Variants in ALG9 observed in about 807,000 individuals in gnomAD.
The protein encoded by ALG9 is ALG9 alpha-1,2-mannosyltransferase.
A neutral mutation model predicts 81.8 loss-of-function variants in ALG9; 55 were observed. The observed-to-expected ratio is 0.67, with a 90% CI of 0.54 to 0.84. ALG9 has a LOEUF of 0.84. Among genes scored for constraint, ALG9 ranks in the 40% least tolerant of loss-of-function variants. The probability of loss-of-function intolerance (pLI) is 0.00; values close to 1 mark genes in which losing one functional copy is unlikely to be tolerated. For synonymous variants in ALG9, 278 were observed against 274.3 expected, an observed-to-expected ratio of 1.01 and a Z score of -0.13; for missense variants, 629 against 745.0, an observed-to-expected ratio of 0.84 and a Z score of 1.81.
chr11:111,807,150 TTAAAA>T, intron 14 of ALG9, among the ~76,000 whole-genome samples: 1 of 152,300 alleles, frequency 6.6e-6, no homozygotes, highest in Non-Finnish European at 1.5e-5. Context: ...AATGATCCTT[TTAAAA>T]TAAAAGTTAT....
chr11:111,837,708 C>A, intron 11 of ALG9, 93 bp from the exon 12 acceptor site: 1 of 1,436,592 alleles, frequency 7.0e-7, no homozygotes, highest in Non-Finnish European at 9.6e-7. Context: ...CTGTAAGCCA[C>A]AGGAAATTTA....
intron 13 of ALG9, among the ~76,000 whole-genome samples, chr11:111,832,094 C>T (rs560316891): frequency 6.6e-6 from 1 of 152,286 alleles, no homozygotes; most frequent in South Asian, 2.1e-4. Flanking sequence ...TTCACCTTTG[C>T]TATTATAACT....
At chr11:111,851,877 T>C (rs1425882619) in intron 8 of ALG9, among the ~76,000 whole-genome samples, 3 of 152,182 alleles carry the variant, frequency 2.0e-5, no homozygotes, top group African/African-American at 7.2e-5. Flanking sequence ...CCCCTGGGGA[T>C]CTTAGAGCCA....
intron 13 of ALG9, among the ~76,000 whole-genome samples, chr11:111,812,224 A>G (rs1950824628): frequency 6.6e-6 from 1 of 152,214 alleles, no homozygotes; most frequent in South Asian, 2.1e-4. Context: ...AGCGGATTCT[A>G]AAATGTGTAT....
rs188642550 is a variant in ALG9 at position 111,865,072 on chromosome 11, C to T, written c.476+109G>A. 9,996 of 896,024 alleles carry T rather than the reference C, an allele frequency of 0.011. 72 individuals are homozygous for T. Among genetic ancestry groups the T allele is most frequent in the Non-Finnish European group, 0.014 (8,725 of 616,568 alleles). The allele number at this position is 896,024 out of a possible 1,614,324, so 55.5% of individuals were successfully genotyped here. A position where few individuals can be genotyped will look rare whatever the true frequency, so the allele number is the denominator to read the frequency against. ...GATTACAGGTGTGAGCCACCGCACC[C>T]GGTCAAGAGTTTTCTATTTCTAATC... is the stretch of plus-strand genomic sequence containing the variant. On this transcript the variant is annotated intron_variant, in intron 4 of 14. Transcript: ENST00000616540.
At chr11:111,823,668 G>C (rs368351937) in intron 13 of ALG9, among the ~76,000 whole-genome samples, 1 of 152,168 alleles carries the variant, frequency 6.6e-6, no homozygotes, top group Non-Finnish European at 1.5e-5. Context: ...ATCTCTAAGA[G>C]CTTTAGCAAT....
chr11:111,835,734 T>C (rs781929808), intron 13 of ALG9, among the ~76,000 whole-genome samples: 1 of 152,228 alleles, frequency 6.6e-6, no homozygotes, highest in Non-Finnish European at 1.5e-5. Flanking sequence ...AAAGCTGTTA[T>C]ACCCCTCATC....
the ALG9 span, among the ~76,000 whole-genome samples, chr11:111,772,639 A>G: frequency 6.6e-6 from 1 of 152,228 alleles, no homozygotes; most frequent in Admixed American, 6.5e-5. Context: ...AAAAGATTAA[A>G]TAATTCATAT....
chr11:111,793,110 A>C (rs991724194), intron 14 of ALG9, among the ~76,000 whole-genome samples: 1 of 152,138 alleles, frequency 6.6e-6, no homozygotes, highest in Admixed American at 6.5e-5. Flanking sequence ...TAGCCTCCTG[A>C]GTAGTTGGGA....
chr11:111,827,452 A>C (rs1282900103), intron 13 of ALG9, among the ~76,000 whole-genome samples: 1 of 151,858 alleles, frequency 6.6e-6, no homozygotes, highest in African/African-American at 2.4e-5. Flanking sequence ...TGAAAGTCTC[A>C]AAAGAAGGAG....
chr11:111,857,172 C>G (rs1425028904), intron 6 of ALG9, among the ~76,000 whole-genome samples: 1 of 151,988 alleles, frequency 6.6e-6, no homozygotes, highest in Non-Finnish European at 1.5e-5. Context: ...ATTTCAAATC[C>G]GAGTGAGTGA....
intron 13 of ALG9, among the ~76,000 whole-genome samples, chr11:111,818,640 A>G (rs782287498): frequency 6.6e-6 from 1 of 152,232 alleles, no homozygotes; most frequent in South Asian, 2.1e-4. Flanking sequence ...ACATGCTCTT[A>G]TAGCAACCAG....
intron 14 of ALG9, chr11:111,804,999 C>T (rs1475627785): frequency 1.7e-5 from 4 of 238,066 alleles, no homozygotes; most frequent in African/African-American, 9.2e-5. Flanking sequence ...ACACAAAAAC[C>T]TGCACAGGGA....
In ALG9 at chr11:111,786,418, G is replaced by A. The variant is rs2136186482; in HGVS notation, c.1836C>T (p.Ile612=). The A allele has an allele frequency of 6.2e-7, 1 of 1,614,038 alleles. No homozygotes were observed. The highest frequency in any genetic ancestry group is 8.5e-7 in the Non-Finnish European group (1 of 1,179,986). ...GTTGCTAACCTCCACTTTTCTTCCT[G>A]ATTTGCTTTGCTTTCCGGGGTTTGA... ...TILKPRKAKQ[I]RKKSGG The change falls in exon 15 of 15, where the codon ATC becomes ATT. Residue 612 remains isoleucine, a synonymous_variant. Coordinates refer to ENST00000616540, the MANE Select transcript of ALG9 (RefSeq NM_024740.2).
intron 2 of ALG9, 52 bp downstream of exon 2, chr11:111,870,180 A>C: frequency 6.3e-7 from 1 of 1,589,342 alleles, no homozygotes; most frequent in Middle Eastern, 1.7e-4. Context: ...TGGTAATAAC[A>C]CCTATGCTGC....
chr11:111,869,434 G>A (rs1228721464), intron 2 of ALG9, among the ~76,000 whole-genome samples: 4 of 151,882 alleles, frequency 2.6e-5, no homozygotes, highest in Non-Finnish European at 5.9e-5. Flanking sequence ...CACTATTTTG[G>A]TAACCGTCAG....
At position 111,853,463 on chromosome 11, in the gene ALG9, C is replaced by G. The variant is rs1469906563; in HGVS notation, c.812G>C (p.Ser271Thr). 1 of 1,613,956 alleles carries G rather than the reference C, an allele frequency of 6.2e-7. No homozygotes were observed. ...AATCACCAACTTCCCATAATAGTAG[C>G]TGTCAATGACCACCACAGGCACCTA... ...LFLVPVVVIDSYYYGKLVIAP... is the reference protein window; with the variant it reads ...LFLVPVVVIDTYYYGKLVIAP... The change falls in exon 8 of 15, where the codon AGC becomes ACC. Residue 271 changes from serine (S) to threonine (T), a missense_variant. Around this residue, in one of 3 missense-constraint regions of ALG9, gnomAD observed 344 missense variants for 390.5 expected, o/e 0.88. Transcript: ENST00000616540.
intron 9 of ALG9, among the ~76,000 whole-genome samples, 155 bp downstream of exon 9, chr11:111,844,446 T>C (rs782727110): frequency 2.6e-5 from 4 of 152,252 alleles, no homozygotes; most frequent in Non-Finnish European, 5.9e-5. Context: ...AAGGGTTCAA[T>C]GGATCAACAA....
intron 11 of ALG9, 133 bp from the exon 12 acceptor site, chr11:111,837,748 C>A: frequency 1.0e-6 from 1 of 1,003,026 alleles, no homozygotes; most frequent in Non-Finnish European, 1.5e-6. Context: ...GCCATTCCAG[C>A]ATGAAGCCTG....
Sources: allele counts gnomAD v4.1 joint callset (sites outside exome capture counted in the v4.1 genomes callset), GRCh38; gene constraint gnomAD v4.1.1; regional missense constraint gnomAD v4.1.1; transcripts MANE v1.5; gene names NCBI Gene and HGNC (gene_info 2026-07-23, HGNC 2026-07-21).